Variants in CPPED1 observed in about 807,000 individuals in gnomAD.
The protein encoded by CPPED1 is calcineurin like phosphoesterase domain containing 1.
In CPPED1, 28 loss-of-function variants were observed where a neutral mutation model predicts 28.0. That is an observed-to-expected ratio of 1.00 (90% CI 0.74 to 1.37). CPPED1 has a LOEUF of 1.37. Ranked by LOEUF, CPPED1 falls within the 40% of genes most tolerant of loss-of-function variation. The probability of loss-of-function intolerance (pLI) is 0.00; values close to 1 mark genes in which losing one functional copy is unlikely to be tolerated. For missense variants in CPPED1, 504 were observed against 416.5 expected (o/e 1.21, Z -1.83); for synonymous variants, 198 against 180.2 (o/e 1.10, Z -0.79).
chr16:12,727,350 C>T (rs1369828433), intron 2 of CPPED1, among the ~76,000 whole-genome samples: 4 of 152,044 alleles, frequency 2.6e-5, no homozygotes, highest in Non-Finnish European at 5.9e-5. Context: ...GATATCAAAG[C>T]CTTTTGTTTC....
intron 1 of CPPED1, among the ~76,000 whole-genome samples, chr16:12,799,322 T>G (rs537665123): frequency 1.3e-5 from 2 of 151,098 alleles, no homozygotes; most frequent in African/African-American, 4.9e-5. Context: ...CTTGGCTTAC[T>G]GCAACCTCCG....
chr16:12,791,541 C>T (rs188355868), intron 1 of CPPED1, among the ~76,000 whole-genome samples: 2 of 152,302 alleles, frequency 1.3e-5, no homozygotes, highest in Admixed American at 6.5e-5. Flanking sequence ...CAAGTTGCAT[C>T]ATTCCACGTC....
intron 3 of CPPED1, among the ~76,000 whole-genome samples, chr16:12,684,938 C>T (rs566469697): frequency 8.4e-4 from 128 of 152,256 alleles, no homozygotes; most frequent in Admixed American, 1.5e-3. Flanking sequence ...ATCTCCCCTT[C>T]GTTGATATTA....
At chr16:12,706,556 G>C (rs1304369608) in intron 2 of CPPED1, among the ~76,000 whole-genome samples, 2 of 104,852 alleles carry the variant, frequency 1.9e-5, no homozygotes, top group Non-Finnish European at 3.8e-5. Flanking sequence ...AATTTTCACC[G>C]AAAAAAAAAA....
Position 12,737,592 on chromosome 16 carries a change from A to G in CPPED1, c.290-32543T>C, listed in dbSNP as rs901729570. Among the ~76,000 whole-genome samples the G allele has an allele frequency of 4.6e-5, 7 of 152,208 alleles. No homozygotes were observed. In the South Asian group the frequency reaches 6.2e-4, roughly 14 times the overall value. Reference sequence around the variant, plus strand: ...CGTTTGAATAACCTCTCTGGCTACAATGCTTTTATTGGCCACAATATTTTG... The same window carrying G: ...CGTTTGAATAACCTCTCTGGCTACAGTGCTTTTATTGGCCACAATATTTTG... On this transcript the variant is annotated intron_variant, in intron 2 of 3. Transcript: ENST00000381774.
chr16:12,715,825 G>A (rs1261156818), intron 2 of CPPED1, among the ~76,000 whole-genome samples: 4 of 152,176 alleles, frequency 2.6e-5, no homozygotes, highest in African/African-American at 9.7e-5. Context: ...ACCACTCTCA[G>A]CCCCAATGGG....
intron 2 of CPPED1, among the ~76,000 whole-genome samples, chr16:12,711,436 T>C (rs924396747): frequency 6.6e-6 from 1 of 152,180 alleles, no homozygotes; most frequent in Non-Finnish European, 1.5e-5. Context: ...CAAATAGGAA[T>C]ATACTTCATG....
chr16:12,672,027 C>A (rs1567271832), intron 3 of CPPED1, among the ~76,000 whole-genome samples: 1 of 152,198 alleles, frequency 6.6e-6, no homozygotes, highest in Admixed American at 6.5e-5. Flanking sequence ...CAGTACAGTA[C>A]CATGCTGCAT....
rs139565378 is a variant in CPPED1 at position 12,762,507 on chromosome 16, G to A, written c.289+18678C>T. ...TAGATAAAATGTGGTATATCCATATGGTAGAATATTATTCAACAACAGCTA... is the reference window on the plus strand; with the variant it reads ...TAGATAAAATGTGGTATATCCATATAGTAGAATATTATTCAACAACAGCTA... On this transcript the variant is annotated intron_variant, in intron 2 of 3. Transcript: ENST00000381774. Among the ~76,000 whole-genome samples the A allele has an allele frequency of 6.5e-3, 993 of 152,192 alleles. 12 individuals carry two copies. Among genetic ancestry groups the A allele is most frequent in the African/African-American group, 0.022 (915 of 41,530 alleles).
chr16:12,731,101 A>G (rs1032283642), intron 2 of CPPED1, among the ~76,000 whole-genome samples: 1 of 151,642 alleles, frequency 6.6e-6, no homozygotes, highest in African/African-American at 2.4e-5. Flanking sequence ...TGAGCCCAGG[A>G]GTTCGAGACC....
rs978151685 is a variant in CPPED1 at position 12,670,250 on chromosome 16, G to A, written c.716-5135C>T. ...TTTGAAGCTACAGTGAGCTATGACC[G>A]CACCATTGCATTCCAGTTTGGGTGA... is the stretch of plus-strand genomic sequence containing the variant. On this transcript the variant is annotated intron_variant, in intron 3 of 3. Coordinates refer to ENST00000381774, the MANE Select transcript of CPPED1 (RefSeq NM_018340.3). The surrounding 1 kb of genome is among the most constrained non-coding windows in gnomAD (Gnocchi z 4.2). 1.1e-4 allele frequency among the ~76,000 whole-genome samples: 17 copies of A among 152,136 alleles called. No individual in the cohort carries two copies. The highest frequency in any genetic ancestry group is 4.1e-4 in the African/African-American group (17 of 41,426).
chr16:12,683,494 C>T (rs933877865), intron 3 of CPPED1, among the ~76,000 whole-genome samples: 1 of 152,188 alleles, frequency 6.6e-6, no homozygotes, highest in Non-Finnish European at 1.5e-5. Flanking sequence ...ACAATCGGTT[C>T]CTAGGCTTCG....
chr16:12,687,323 T>A (rs952769188), intron 3 of CPPED1, among the ~76,000 whole-genome samples: 59 of 152,104 alleles, frequency 3.9e-4, no homozygotes, highest in African/African-American at 1.4e-3. Flanking sequence ...TTACATTTTT[T>A]AAAAAAAGAA....
At chr16:12,788,837 G>T (rs1167890910) in intron 1 of CPPED1, among the ~76,000 whole-genome samples, 1 of 152,178 alleles carries the variant, frequency 6.6e-6, no homozygotes, top group African/African-American at 2.4e-5. Flanking sequence ...AGACAATGAT[G>T]GCAAGACCCA....
chr16:12,801,020 G>C (rs995307041), intron 1 of CPPED1, among the ~76,000 whole-genome samples: 2 of 152,032 alleles, frequency 1.3e-5, no homozygotes, highest in African/African-American at 2.4e-5. Flanking sequence ...CCACTCCCCC[G>C]CCCCCAACTT....
At chr16:12,789,138 C>A (rs2080581287) in intron 1 of CPPED1, among the ~76,000 whole-genome samples, 1 of 152,136 alleles carries the variant, frequency 6.6e-6, no homozygotes. Context: ...CACATCAGAC[C>A]CAAATGAAGC....
At position 12,790,918 on chromosome 16, in the gene CPPED1, C is replaced by CAA. The variant is rs538022826; in HGVS notation, c.71-9517_71-9516dup. 3.5e-3 allele frequency among the ~76,000 whole-genome samples: 220 copies of CAA among 62,618 alleles called. 1 individual carries two copies. Among genetic ancestry groups the CAA allele is most frequent in the Middle Eastern group, 0.023 (3 of 132 alleles). 41.1% of individuals were successfully genotyped at this position (62,618 alleles called of 152,430 possible). On this transcript the variant is annotated intron_variant, in intron 1 of 3. Transcript: ENST00000381774. Reference sequence around the variant, plus strand: ...CTGGTGATAGAGCAAGACTCTATCTCAAAAAAAAAAAAAAAAAAAAAAGAG... The same window carrying CAA: ...CTGGTGATAGAGCAAGACTCTATCTCAAAAAAAAAAAAAAAAAAAAAAAAGAG...
chr16:12,778,407 G>A (rs2080511003), intron 2 of CPPED1, among the ~76,000 whole-genome samples: 1 of 150,998 alleles, frequency 6.6e-6, no homozygotes, highest in African/African-American at 2.4e-5. Flanking sequence ...CCCCAGAGTA[G>A]CTGGGATCAC....
chr16:12,752,387 C>T (rs932283027), intron 2 of CPPED1, among the ~76,000 whole-genome samples: 8 of 151,880 alleles, frequency 5.3e-5, no homozygotes, highest in Admixed American at 6.6e-5. Context: ...CTCTACCACA[C>T]GAAATATGGA....
Sources: allele counts gnomAD v4.1 joint callset (sites outside exome capture counted in the v4.1 genomes callset), GRCh38; gene constraint gnomAD v4.1.1; non-coding constraint Gnocchi (gnomAD v3.1); transcripts MANE v1.5; gene names NCBI Gene and HGNC (gene_info 2026-07-23, HGNC 2026-07-21).